ASPRV1: variants seen among roughly 807,000 people sequenced by gnomAD.
ASPRV1 encodes retroviral-like aspartic protease 1.
A neutral mutation model predicts 11.0 loss-of-function variants in ASPRV1; 7 were observed. That is an observed-to-expected ratio of 0.64 (90% CI 0.36 to 1.20). ASPRV1 has a LOEUF of 1.20. ASPRV1 is among the 50% of genes most tolerant of loss of function. The pLI is 0.02. For missense variants in ASPRV1, 299 were observed against 320.0 expected, an observed-to-expected ratio of 0.93 and a Z score of 0.50; for synonymous variants, 136 against 138.4, an observed-to-expected ratio of 0.98 and a Z score of 0.12.
chr2:70,004,368 A>G, the ASPRV1 span, among the ~76,000 whole-genome samples: 1 of 151,890 alleles, frequency 6.6e-6, no homozygotes, highest in Non-Finnish European at 1.5e-5. Context: ...CGTCTCTACT[A>G]AAATACAAAA....
At chr2:70,036,457 G>A in the ASPRV1 span, among the ~76,000 whole-genome samples, 1 of 152,084 alleles carries the variant, frequency 6.6e-6, no homozygotes, top group African/African-American at 2.4e-5. Flanking sequence ...TAAAGAAATG[G>A]ATCAATCTAA....
At chr2:69,939,098 T>A in the ASPRV1 span, 1 of 152,610 alleles carries the variant, frequency 6.6e-6, no homozygotes, top group Non-Finnish European at 1.5e-5. Flanking sequence ...ACCTCAGAGA[T>A]AAATGAGATC....
the ASPRV1 span, chr2:70,048,732 A>G: frequency 6.6e-6 from 1 of 152,476 alleles, no homozygotes; most frequent in African/African-American, 2.4e-5. Flanking sequence ...TTAGGAAGCT[A>G]CAAGTTTGAA....
At chr2:70,076,905 A>G in the ASPRV1 span, among the ~76,000 whole-genome samples, 2 of 152,336 alleles carry the variant, frequency 1.3e-5, no homozygotes, top group African/African-American at 4.8e-5. Context: ...TGCAGTTTCT[A>G]ATTAACATAT....
the ASPRV1 span, among the ~76,000 whole-genome samples, chr2:69,948,072 A>AC: frequency 7.1e-6 from 1 of 140,748 alleles, no homozygotes; most frequent in Non-Finnish European, 1.5e-5. Context: ...ACAGAGGGAG[A>AC]CCCCGTCTCT....
At chr2:69,951,483 G>A in the ASPRV1 span, among the ~76,000 whole-genome samples, 6,360 of 86,858 alleles carry the variant, frequency 0.073, 291 homozygotes, top group African/African-American at 0.23. Flanking sequence ...GTGTGTGTGT[G>A]TATATCTATA....
At position 69,961,313 on chromosome 2, in the gene ASPRV1, G is replaced by T; in HGVS notation, c.124C>A (p.Leu42Ile). The T allele has an allele frequency of 5.0e-6, 8 of 1,614,094 alleles. No homozygotes were observed. In the South Asian group the frequency reaches 8.8e-5, roughly 18 times the overall value. ...TTGGTGATATGGTCCCAATGGTTGA[G>T]GTCATTGATGACTTCAAAGCTGTGC... ...WLHSFEVINDLNHWDHITKLR... is the reference protein window; with the variant it reads ...WLHSFEVINDINHWDHITKLR... Residue 42 changes from leucine to isoleucine, a missense_variant, in exon 1 of 1, where the codon CTC becomes ATC. Leu to Ile is a conservative substitution (Grantham distance 5). Transcript: ENST00000320256.
chr2:70,036,893 T>TCCC, the ASPRV1 span, among the ~76,000 whole-genome samples: 119 of 152,140 alleles, frequency 7.8e-4, 1 homozygote, highest in South Asian at 0.023. Flanking sequence ...CTCCTACCTC[T>TCCC]CCCCAGTCTC....
chr2:69,967,567 T>C, the ASPRV1 span, among the ~76,000 whole-genome samples: 44 of 152,124 alleles, frequency 2.9e-4, no homozygotes, highest in South Asian at 1.2e-3. Flanking sequence ...CTCGGAGAGA[T>C]TGGGATAGTC....
chr2:69,955,690 C>T (rs1291480043), downstream of ASPRV1, among the ~76,000 whole-genome samples: 4 of 152,096 alleles, frequency 2.6e-5, no homozygotes, highest in Admixed American at 2.0e-4. Flanking sequence ...TTTGCAGGAG[C>T]GTGTGTGATG....
In ASPRV1 at chr2:69,961,322, T is replaced by A. The variant is rs146413678; in HGVS notation, c.115A>T (p.Ile39Phe). ...TGGTCCCAATGGTTGAGGTCATTGA[T>A]GACTTCAAAGCTGTGCAGCCAGAGG... ...PNLWLHSFEV[I>F]NDLNHWDHIT... The change falls in exon 1 of 1, where the codon ATC becomes TTC. Residue 39 changes from isoleucine to phenylalanine, a missense_variant. Transcript: ENST00000320256. 33 of 1,614,004 alleles carry A rather than the reference T, an allele frequency of 2.0e-5. No homozygotes were observed. In the South Asian group the frequency reaches 2.9e-4, roughly 14 times the overall value.
At chr2:70,083,828 A>G in the ASPRV1 span, 4 of 152,200 alleles carry the variant, frequency 2.6e-5, no homozygotes, top group Non-Finnish European at 5.9e-5. Flanking sequence ...AGATCATTTA[A>G]TCTCTTGCTT....
chr2:70,018,699 G>C, the ASPRV1 span, among the ~76,000 whole-genome samples: 1 of 152,188 alleles, frequency 6.6e-6, no homozygotes, highest in Non-Finnish European at 1.5e-5. Flanking sequence ...AATAAATGGT[G>C]CTGGAAAAAC....
At chr2:70,018,557 G>C in the ASPRV1 span, among the ~76,000 whole-genome samples, 2 of 151,902 alleles carry the variant, frequency 1.3e-5, no homozygotes, top group Non-Finnish European at 2.9e-5. Context: ...AAACAGCATG[G>C]TACCACCAAA....
the ASPRV1 span, among the ~76,000 whole-genome samples, chr2:70,084,007 G>A: frequency 6.6e-6 from 1 of 152,048 alleles, no homozygotes; most frequent in Non-Finnish European, 1.5e-5. Context: ...CCAACCCCAA[G>A]ACACATTACA....
At chr2:70,072,640 T>G in the ASPRV1 span, among the ~76,000 whole-genome samples, 4 of 152,100 alleles carry the variant, frequency 2.6e-5, no homozygotes, top group African/African-American at 9.7e-5. Context: ...GAGAATCACT[T>G]GAACTCAGGA....
chr2:70,022,775 C>A, the ASPRV1 span, among the ~76,000 whole-genome samples: 2 of 151,876 alleles, frequency 1.3e-5, no homozygotes, highest in Non-Finnish European at 2.9e-5. Context: ...GGTGTATGCA[C>A]ATGTTCAAAC....
the ASPRV1 span, among the ~76,000 whole-genome samples, chr2:69,934,499 C>A: frequency 1.3e-5 from 2 of 152,202 alleles, no homozygotes; most frequent in African/African-American, 4.8e-5. Context: ...GTCTGACATA[C>A]TCCAAGAACA....
chr2:69,964,305 T>A, upstream of ASPRV1: 3 of 453,612 alleles, frequency 6.6e-6, no homozygotes, highest in Non-Finnish European at 8.9e-6. Context: ...CTTCGGGCTG[T>A]GTCTGTCCAT....
Sources: allele counts gnomAD v4.1 joint callset (sites outside exome capture counted in the v4.1 genomes callset), GRCh38; gene constraint gnomAD v4.1.1; transcripts MANE v1.5; gene names NCBI Gene and HGNC (gene_info 2026-07-23, HGNC 2026-07-21).